The following PUS10 variants were observed in gnomAD, a reference collection of about 807,000 sequenced individuals.
PUS10 encodes the protein pseudouridine synthase 10.
Under a neutral mutation model 75.0 loss-of-function variants are expected in PUS10, and 59 were observed. The observed-to-expected ratio is 0.79, with a 90% CI of 0.64 to 0.98. The LOEUF is 0.98. PUS10 is among the 50% of genes least tolerant of loss of function. The probability of loss-of-function intolerance (pLI) is 0.00; values close to 1 mark genes in which losing one functional copy is unlikely to be tolerated. For missense variants in PUS10, 650 were observed against 614.4 expected (o/e 1.06, Z -0.61); for synonymous variants, 219 against 211.6 (o/e 1.03, Z -0.30).
intron 4 of PUS10, among the ~76,000 whole-genome samples, chr2:60,972,531 A>C (rs1011420513): frequency 3.9e-5 from 6 of 152,144 alleles, no homozygotes; most frequent in Non-Finnish European, 5.9e-5. Flanking sequence ...AGTGACTGAC[A>C]CTGAGATTTC....
At chr2:60,954,964 A>T in intron 12 of PUS10, 54 bp downstream of exon 12, 2 of 1,214,646 alleles carry the variant, frequency 1.6e-6, no homozygotes, top group Non-Finnish European at 2.3e-6. Context: ...GCTGTCTAGA[A>T]AGGATGATAA....
intron 4 of PUS10, among the ~76,000 whole-genome samples, chr2:60,982,080 A>C (rs1677429546): frequency 6.6e-6 from 1 of 151,972 alleles, no homozygotes. Flanking sequence ...CTCCATTAAA[A>C]AAATAAAAAT....
chr2:60,967,503 T>C lies in PUS10; in HGVS notation c.614A>G (p.Lys205Arg), dbSNP rs775031533. ...SEELGVPIDGKSLFEVSVVFA... is the reference protein window; with the variant it reads ...SEELGVPIDGRSLFEVSVVFA... Reference sequence around the variant, plus strand: ...TTAACAATGCTGTTGACCCAATACCTTTCCATCAATGGGAACACCCAGTTC... The same window carrying C: ...TTAACAATGCTGTTGACCCAATACCCTTCCATCAATGGGAACACCCAGTTC... Residue 205 changes from lysine (K) to arginine (R), a missense_variant and splice_region_variant, in exon 6 of 18, where the codon AAG becomes AGG. Physicochemically the swap from Lys to Arg is conservative, Grantham distance 26. Transcript: ENST00000316752. 3.2e-6 allele frequency: 5 copies of C among 1,567,528 alleles called. No individual in the cohort carries two copies. Among genetic ancestry groups the C allele is most frequent in the South Asian group, 2.3e-5 (2 of 87,750 alleles).
At chr2:60,958,130 C>G (rs187326115) in intron 11 of PUS10, among the ~76,000 whole-genome samples, 81 of 152,320 alleles carry the variant, frequency 5.3e-4, no homozygotes, top group Admixed American at 1.3e-3. Context: ...CCACTCCTCT[C>G]GGTCTTCAGC....
At chr2:60,992,233 C>G (rs6714294) in intron 4 of PUS10, among the ~76,000 whole-genome samples, 1 of 151,942 alleles carries the variant, frequency 6.6e-6, no homozygotes, top group Non-Finnish European at 1.5e-5. Flanking sequence ...CCAAGCTGGT[C>G]GTGAACTTCT....
chr2:60,969,518 G>A (rs1676533629), intron 5 of PUS10, among the ~76,000 whole-genome samples: 1 of 152,160 alleles, frequency 6.6e-6, no homozygotes, highest in Non-Finnish European at 1.5e-5. Flanking sequence ...TCAGATAAGT[G>A]CTTATGAGGG....
At position 60,999,309 on chromosome 2, in the gene PUS10, T is replaced by C. The variant is rs541106686; in HGVS notation, c.468+7248A>G. 3.9e-5 allele frequency among the ~76,000 whole-genome samples: 6 copies of C among 152,240 alleles called. No individual in the cohort carries two copies. In the East Asian group the frequency reaches 1.2e-3, roughly 29 times the overall value. On this transcript the variant is annotated intron_variant, in intron 4 of 17. Coordinates refer to ENST00000316752, the MANE Select transcript of PUS10 (RefSeq NM_144709.4). The stretch of plus-strand genomic sequence containing the variant: ...ATTATGATGTAGAAGTTTAGAGGAA[T>C]CAATCATGAATATAAAATAACCACT...
At chr2:60,965,168 A>T (rs1330378151) in intron 7 of PUS10, 65 bp from the exon 8 acceptor site, 3 of 1,463,856 alleles carry the variant, frequency 2.0e-6, no homozygotes, top group Non-Finnish European at 2.9e-6. Context: ...TATAATTCAA[A>T]TATATTTCAT....
intron 8 of PUS10, among the ~76,000 whole-genome samples, chr2:60,963,270 G>C (rs2104351833): frequency 6.6e-6 from 1 of 152,262 alleles, no homozygotes. Flanking sequence ...CAGGAATTTA[G>C]ATTGATTCAG....
rs770575276 is a variant in PUS10 at position 60,948,149 on chromosome 2, G to C, written c.1345C>G (p.Leu449Val). ...KIDQKTPLRVLHRRPLAVRAR... is the reference protein window; with the variant it reads ...KIDQKTPLRVVHRRPLAVRAR... ...CGCACAGCCAGGGGCCTTCGGTGAA[G>C]GACGCGCAAAGGTGTTTTCTGGTCG... Residue 449 changes from leucine to valine, a missense_variant, in exon 16 of 18, where the codon CTT becomes GTT. Physicochemically the swap from Leu to Val is conservative, Grantham distance 32. Transcript: ENST00000316752. 2 of 1,614,148 alleles carry C rather than the reference G, an allele frequency of 1.2e-6. No individual in the cohort carries two copies. The highest frequency in any genetic ancestry group is 1.7e-6 in the Non-Finnish European group (2 of 1,180,018).
At chr2:61,006,808 C>T (rs990002197) in intron 3 of PUS10, among the ~76,000 whole-genome samples, 165 bp from the exon 4 acceptor site, 1 of 152,180 alleles carries the variant, frequency 6.6e-6, no homozygotes, top group Non-Finnish European at 1.5e-5. Flanking sequence ...TTAAATATTG[C>T]CTAACTATGA....
intron 4 of PUS10, among the ~76,000 whole-genome samples, chr2:60,986,715 A>G (rs1677744334): frequency 6.6e-6 from 1 of 152,210 alleles, no homozygotes; most frequent in Non-Finnish European, 1.5e-5. Context: ...TGTGCCTGCC[A>G]TCTCCTTTTC....
At chr2:60,964,862 T>G (rs1309307340) in intron 8 of PUS10, among the ~76,000 whole-genome samples, 196 bp downstream of exon 8, 1 of 152,200 alleles carries the variant, frequency 6.6e-6, no homozygotes, top group African/African-American at 2.4e-5. Context: ...GTTTGTGTGC[T>G]ACAACTTCCT....
intron 15 of PUS10, among the ~76,000 whole-genome samples, chr2:60,951,315 G>A (rs1675324864): frequency 6.6e-6 from 1 of 152,170 alleles, no homozygotes; most frequent in African/African-American, 2.4e-5. Context: ...ACTGAGGAAG[G>A]AGGGGATGGT....
intron 4 of PUS10, among the ~76,000 whole-genome samples, chr2:61,000,427 A>C (rs1273105713): frequency 6.6e-6 from 1 of 152,154 alleles, no homozygotes; most frequent in African/African-American, 2.4e-5. Context: ...TTAAAACAAC[A>C]CCAATTTATT....
intron 4 of PUS10, among the ~76,000 whole-genome samples, chr2:61,004,213 G>A (rs1320083051): frequency 6.6e-6 from 1 of 152,152 alleles, no homozygotes; most frequent in Non-Finnish European, 1.5e-5. Context: ...GAAGATATAC[G>A]TAACTAGCTT....
At chr2:60,982,144 G>T (rs1384795710) in intron 4 of PUS10, among the ~76,000 whole-genome samples, 1 of 151,856 alleles carries the variant, frequency 6.6e-6, no homozygotes. Context: ...GCAGGTATTT[G>T]GTCCCAGGAC....
At position 60,953,922 on chromosome 2, in the gene PUS10, C is replaced by T. The variant is rs771199752; in HGVS notation, c.1190+11G>A. The T allele has an allele frequency of 2.2e-5, 36 of 1,611,846 alleles. No homozygotes were observed. The Middle Eastern group carries it at 6.6e-4, about 30-fold the overall frequency. On this transcript the variant is annotated intron_variant, in intron 14 of 17. Transcript: ENST00000316752. ...CCCTTTTGAAATCATCTCCAATGAG[C>T]CTACTCTTACCTTGTGACAAGCTGC... is the stretch of plus-strand genomic sequence containing the variant.
At chr2:61,011,622 T>C (rs1679600702) in intron 2 of PUS10, 143 bp downstream of exon 2, 1 of 570,404 alleles carries the variant, frequency 1.8e-6, no homozygotes, top group Non-Finnish European at 2.8e-6. Flanking sequence ...TCCAAAATTA[T>C]GAATATCACT....
Sources: gnomAD v4.1 joint callset for allele counts (sites outside exome capture counted in the v4.1 genomes callset) on GRCh38, gnomAD v4.1.1 for gene constraint, MANE v1.5 for transcripts, NCBI Gene and HGNC (gene_info 2026-07-23, HGNC 2026-07-21) for gene names.